UPK1A: variants seen among roughly 807,000 people sequenced by gnomAD.
UPK1A encodes uroplakin-1a.
Under a neutral mutation model 32.3 loss-of-function variants are expected in UPK1A, and 31 were observed. The observed-to-expected ratio is 0.96, with a 90% CI of 0.72 to 1.30. The LOEUF (loss-of-function observed/expected upper bound fraction) is 1.30, where lower values mean the gene tolerates loss of function less well. Among genes scored for constraint, UPK1A ranks in the 50% most tolerant of loss-of-function variants. The pLI, the probability that UPK1A is intolerant of heterozygous loss-of-function variation, is 0.00. For synonymous variants in UPK1A, 135 were observed against 137.1 expected (o/e 0.98, Z 0.11); for missense variants, 340 against 357.4 (o/e 0.95, Z 0.39).
intron 5 of UPK1A, 58 bp from the exon 6 acceptor site, chr19:35,675,782 G>C (rs1188934631): frequency 6.5e-7 from 1 of 1,540,454 alleles, no homozygotes; most frequent in African/African-American, 1.4e-5. Context: ...TGTGACCTCA[G>C]GCAAGCAACT....
intron 5 of UPK1A, among the ~76,000 whole-genome samples, chr19:35,674,527 G>A (rs1363527661): frequency 6.6e-6 from 1 of 151,292 alleles, no homozygotes; most frequent in African/African-American, 2.4e-5. Context: ...TTGAGCCACC[G>A]TGCCCAGCCT....
At chr19:35,672,937 C>T (rs552313038) in intron 3 of UPK1A, among the ~76,000 whole-genome samples, 1 of 151,828 alleles carries the variant, frequency 6.6e-6, no homozygotes, top group South Asian at 2.1e-4. Context: ...AGGCTGGTCT[C>T]GAACTCCTGA....
Position 35,668,450 on chromosome 19 carries a change from C to T in UPK1A, c.85-4C>T, listed in dbSNP as rs1777140916. 6.2e-7 allele frequency: 1 copy of T among 1,614,078 alleles called. No individual in the cohort carries two copies. The highest frequency in any genetic ancestry group is 8.5e-7 in the Non-Finnish European group (1 of 1,180,046). ...AGACCTTCCTAACCCACCGCTCTGT[C>T]CAGCTGTCAGGCCTGTCCCTGTTTG... On this transcript the variant is annotated splice_polypyrimidine_tract_variant and splice_region_variant and intron_variant, in intron 2 of 7. Coordinates refer to ENST00000617999, the Ensembl canonical transcript of UPK1A.
chr19:35,668,948 G>T (rs952445142), intron 3 of UPK1A, among the ~76,000 whole-genome samples: 5 of 151,306 alleles, frequency 3.3e-5, no homozygotes, highest in Non-Finnish European at 7.4e-5. Flanking sequence ...CTCCCAAAGT[G>T]CTGGGATTAC....
exon 4 of UPK1A, chr19:35,673,268 T>A (rs575620768): frequency 1.2e-6 from 2 of 1,613,988 alleles, no homozygotes; most frequent in East Asian, 4.5e-5. Flanking sequence ...CATCTTCGAG[T>A]GCGCCTCCTG....
At position 35,673,227 on chromosome 19, in the gene UPK1A, C is replaced by T. The variant is rs573090922; in HGVS notation, c.286-5C>T. ...CGACGGGCCGTCCTCCCTCTGTCTC[C>T]CCAGTACCTGGTGCTCATGCTCATC... is the stretch of plus-strand genomic sequence containing the variant. On this transcript the variant is annotated splice_region_variant and splice_polypyrimidine_tract_variant and intron_variant, in intron 3 of 7. Transcript: ENST00000617999. 1 of 1,613,936 alleles carries T rather than the reference C, an allele frequency of 6.2e-7. No homozygotes were observed. Among genetic ancestry groups the T allele is most frequent in the Admixed American group, 1.7e-5 (1 of 60,000 alleles).
At position 35,666,589 on chromosome 19, in the gene UPK1A, C is replaced by T. The variant is rs1599627670; in HGVS notation, c.-5+51C>T. 4 of 556,132 alleles carry T rather than the reference C, an allele frequency of 7.2e-6. No homozygotes were observed. The African/African-American group carries it at 7.7e-5, about 11-fold the overall frequency. The allele number at this position is 556,132 out of a possible 1,614,324, so 34.4% of individuals were successfully genotyped here. On this transcript the variant is annotated intron_variant, in intron 1 of 7. Transcript: ENST00000617999. ...GGTATGGCATGAGGGGTCTGAGGCT[C>T]AGGGAGGGGCAGTGCCAAGTTCAGG... is the stretch of plus-strand genomic sequence containing the variant.
chr19:35,668,867 A>G (rs1001628471), intron 3 of UPK1A, among the ~76,000 whole-genome samples: 1 of 148,522 alleles, frequency 6.7e-6, no homozygotes, highest in Middle Eastern at 3.2e-3. Context: ...TTTTTTGGTA[A>G]AGATGGGGGT....
intron 3 of UPK1A, among the ~76,000 whole-genome samples, chr19:35,671,596 T>A (rs1968102057): frequency 6.7e-6 from 1 of 148,540 alleles, no homozygotes; most frequent in Non-Finnish European, 1.5e-5. Flanking sequence ...TAGCTGGGAC[T>A]ACAGGCACCT....
At chr19:35,671,207 T>G (rs908247075) in intron 3 of UPK1A, among the ~76,000 whole-genome samples, 3 of 151,334 alleles carry the variant, frequency 2.0e-5, no homozygotes, top group Admixed American at 1.3e-4. Flanking sequence ...GCTAACACGG[T>G]GAAATCCCGT....
rs768846844 is a variant in UPK1A at position 35,676,285 on chromosome 19, G to A, written c.648+266G>A. 37 of 603,046 alleles carry A rather than the reference G, an allele frequency of 6.1e-5. No individual in the cohort carries two copies. In the Middle Eastern group the frequency reaches 1.3e-3, roughly 21 times the overall value. The allele number at this position is 603,046 out of a possible 1,614,324, so 37.4% of individuals were successfully genotyped here. ...AGCTCACTGCAGCGTCTGCCTCCCGGGTTCAAGGGATTCTCCCACCTCAGC... is the reference window on the plus strand; with the variant it reads ...AGCTCACTGCAGCGTCTGCCTCCCGAGTTCAAGGGATTCTCCCACCTCAGC... On this transcript the variant is annotated intron_variant, in intron 6 of 7. Coordinates refer to ENST00000617999, the Ensembl canonical transcript of UPK1A.
At chr19:35,672,741 T>C (rs1383851613) in intron 3 of UPK1A, among the ~76,000 whole-genome samples, 1 of 152,154 alleles carries the variant, frequency 6.6e-6, no homozygotes, top group Non-Finnish European at 1.5e-5. Flanking sequence ...GCTTAACTAA[T>C]TTTTTTATTT....
chr19:35,666,677 G>A, intron 1 of UPK1A, 132 bp from the exon 2 acceptor site: 1 of 861,156 alleles, frequency 1.2e-6, no homozygotes, highest in South Asian at 1.6e-5. Context: ...CACCAGGGCT[G>A]TGGGTACATC....
At chr19:35,669,824 C>T (rs1229560231) in intron 3 of UPK1A, among the ~76,000 whole-genome samples, 1 of 152,164 alleles carries the variant, frequency 6.6e-6, no homozygotes, top group Non-Finnish European at 1.5e-5. Context: ...CAATTCACGG[C>T]CCCAATGACA....
intron 3 of UPK1A, among the ~76,000 whole-genome samples, chr19:35,669,415 A>G (rs941841129): frequency 5.3e-5 from 8 of 151,778 alleles, no homozygotes; most frequent in African/African-American, 1.9e-4. Flanking sequence ...CTGTAATCCC[A>G]GCACGTGGGG....
intron 3 of UPK1A, 47 bp downstream of exon 3, chr19:35,668,701 A>G (rs1416114650): frequency 1.9e-6 from 3 of 1,546,948 alleles, no homozygotes; most frequent in Admixed American, 1.9e-5. Flanking sequence ...AACGGAGTTC[A>G]GCATCACTGA....
In UPK1A at chr19:35,675,345, G is replaced by A. The variant is rs78968383; in HGVS notation, c.469-495G>A. On this transcript the variant is annotated intron_variant, in intron 5 of 7. Transcript: ENST00000617999. The stretch of plus-strand genomic sequence containing the variant: ...TTCCCAGGCTGGAGTGCAGTGGCAC[G>A]ATCTTGGCTCACTGCAGTCGCCACC... Among the ~76,000 whole-genome samples the A allele has an allele frequency of 2.6e-3, 390 of 151,948 alleles. 2 individuals are homozygous for A. Among genetic ancestry groups the A allele is most frequent in the African/African-American group, 8.2e-3 (338 of 41,442 alleles).
chr19:35,676,094 C>CT (rs2146389312), intron 6 of UPK1A, 75 bp downstream of exon 6: 1 of 1,458,886 alleles, frequency 6.9e-7, no homozygotes, highest in Non-Finnish European at 9.2e-7. Flanking sequence ...CTCTCTGATT[C>CT]TCTCTTTCTC....
intron 5 of UPK1A, 21 bp downstream of exon 5, chr19:35,673,566 G>A (rs371177953): frequency 5.6e-6 from 9 of 1,609,232 alleles, no homozygotes; most frequent in African/African-American, 5.3e-5. Context: ...TGGACCGGGT[G>A]CTGGGAGGGC....
Sources: allele counts gnomAD v4.1 joint callset (sites outside exome capture counted in the v4.1 genomes callset), GRCh38; gene constraint gnomAD v4.1.1; transcripts MANE v1.5; gene names NCBI Gene and HGNC (gene_info 2026-07-23, HGNC 2026-07-21).